The following MDGA2 variants were observed in gnomAD, a reference collection of about 807,000 sequenced individuals.
The protein encoded by MDGA2 is MAM domain-containing glycosylphosphatidylinositol anchor protein 2.
In MDGA2, 40 loss-of-function variants were observed where a neutral mutation model predicts 117.8. That is an observed-to-expected ratio of 0.34 (90% CI 0.26 to 0.44). MDGA2 has a LOEUF of 0.44. MDGA2 is among the 20% of genes least tolerant of loss of function. The pLI is 1.00. For synonymous variants in MDGA2, 452 were observed against 439.0 expected, an observed-to-expected ratio of 1.03 and a Z score of -0.37; for missense variants, 1,123 against 1,250.6, an observed-to-expected ratio of 0.90 and a Z score of 1.54.
At chr14:47,674,130 G>C (rs1445897299) in intron 1 of MDGA2, among the ~76,000 whole-genome samples, 1 of 149,124 alleles carries the variant, frequency 6.7e-6, no homozygotes, top group African/African-American at 2.5e-5. Context: ...GACTCACGGG[G>C]TCACACTGGA....
At chr14:47,606,829 G>A (rs971770173) in intron 1 of MDGA2, among the ~76,000 whole-genome samples, 1 of 152,092 alleles carries the variant, frequency 6.6e-6, no homozygotes, top group African/African-American at 2.4e-5. Flanking sequence ...AGAGAATTTT[G>A]TAAAATAATT....
rs145275986 is a variant in MDGA2 at position 47,608,455 on chromosome 14, G to C, written c.280+66062C>G. Among the ~76,000 whole-genome samples, 706 of 152,140 alleles carry C rather than the reference G, an allele frequency of 4.6e-3. 4 individuals are homozygous for C. The highest frequency in any genetic ancestry group is 0.016 in the African/African-American group (656 of 41,536). On this transcript the variant is annotated intron_variant, in intron 1 of 16. Coordinates refer to ENST00000399232, the MANE Select transcript of MDGA2 (RefSeq NM_001113498.3). ...AGAAAATTCTAAGTGAGGCTCGTAG[G>C]GAAGAACATTCAAACAAAGGGAATA...
chr14:47,111,733 A>T (rs1369136739), intron 5 of MDGA2, among the ~76,000 whole-genome samples: 1 of 152,208 alleles, frequency 6.6e-6, no homozygotes, highest in African/African-American at 2.4e-5. Flanking sequence ...GGAGAGCAAC[A>T]GTAGCAGTTG....
At chr14:47,214,019 G>A (rs148168913) in intron 3 of MDGA2, among the ~76,000 whole-genome samples, 15 of 152,012 alleles carry the variant, frequency 9.9e-5, no homozygotes, top group African/African-American at 2.2e-4. Context: ...CGAAGAGGGG[G>A]GTAAAGAGTC....
At chr14:47,549,248 T>C (rs1316686938) in intron 1 of MDGA2, among the ~76,000 whole-genome samples, 1 of 152,176 alleles carries the variant, frequency 6.6e-6, no homozygotes, top group East Asian at 1.9e-4. Context: ...TGAAATTCAA[T>C]GATTTTTCTC....
chr14:46,840,265 A>G lies in MDGA2; in HGVS notation c.*1666T>C, dbSNP rs533834530. 5.2e-5 allele frequency: 8 copies of G among 152,608 alleles called. No homozygotes were observed. Among genetic ancestry groups the G allele is most frequent in the Admixed American group, 5.2e-4 (8 of 15,270 alleles). The allele number at this position is 152,608 out of a possible 1,614,324, so 9.5% of individuals were successfully genotyped here. On this transcript the variant is annotated 3_prime_UTR_variant, in exon 17 of 17. Transcript: ENST00000399232. Reference sequence around the variant, plus strand: ...ATATTTGCAAATGCTATAATTTAATACTTATATTCCAATTGCTTGCATAAT... The same window carrying G: ...ATATTTGCAAATGCTATAATTTAATGCTTATATTCCAATTGCTTGCATAAT...
intron 10 of MDGA2, among the ~76,000 whole-genome samples, chr14:46,903,278 A>C (rs547972370): frequency 2.6e-5 from 4 of 152,178 alleles, no homozygotes; most frequent in Non-Finnish European, 4.4e-5. Flanking sequence ...CTGCAACACT[A>C]ATCTCCCTTT....
At chr14:46,956,229 T>A (rs1007686730) in intron 9 of MDGA2, among the ~76,000 whole-genome samples, 2 of 152,234 alleles carry the variant, frequency 1.3e-5, no homozygotes, top group African/African-American at 4.8e-5. Context: ...AATGTCCAGT[T>A]TCTTTTTTTT....
chr14:47,276,644 G>T (rs1274939660), intron 2 of MDGA2, among the ~76,000 whole-genome samples: 2 of 152,068 alleles, frequency 1.3e-5, no homozygotes, highest in African/African-American at 4.8e-5. Flanking sequence ...CACTAGCAAA[G>T]AAACAAATTG....
intron 1 of MDGA2, among the ~76,000 whole-genome samples, chr14:47,449,468 G>A (rs1180241197): frequency 6.6e-6 from 1 of 152,092 alleles, no homozygotes; most frequent in Non-Finnish European, 1.5e-5. Flanking sequence ...TGGCCACAGT[G>A]ACTGTTTTAT....
chr14:47,015,684 C>A (rs189342625), intron 8 of MDGA2, among the ~76,000 whole-genome samples: 1 of 151,994 alleles, frequency 6.6e-6, no homozygotes, highest in East Asian at 1.9e-4. Flanking sequence ...AAGAGAATAT[C>A]CAAAAATGAA....
At chr14:47,260,692 G>A (rs1007895672) in intron 2 of MDGA2, among the ~76,000 whole-genome samples, 1 of 152,044 alleles carries the variant, frequency 6.6e-6, no homozygotes, top group African/African-American at 2.4e-5. Flanking sequence ...CCTTCTTAGA[G>A]TTCTCTGAAC....
chr14:47,203,460 G>A (rs1885580145), intron 3 of MDGA2, among the ~76,000 whole-genome samples: 1 of 151,966 alleles, frequency 6.6e-6, no homozygotes, highest in Admixed American at 6.6e-5. Flanking sequence ...AAGAAACTAG[G>A]ATCAATGATT....
intron 8 of MDGA2, among the ~76,000 whole-genome samples, chr14:47,032,500 T>C (rs574626521): frequency 3.6e-4 from 55 of 152,132 alleles, no homozygotes; most frequent in African/African-American, 1.3e-3. Context: ...GGTGGAAGCA[T>C]TGGTTGAGCC....
chr14:47,518,898 T>TG (rs1384206754), intron 1 of MDGA2, among the ~76,000 whole-genome samples: 2 of 152,116 alleles, frequency 1.3e-5, no homozygotes, highest in Non-Finnish European at 2.9e-5. Context: ...CATATGCCCT[T>TG]GGTTGTTAAA....
chr14:47,213,429 A>G (rs1233586309), intron 3 of MDGA2, among the ~76,000 whole-genome samples: 1 of 152,110 alleles, frequency 6.6e-6, no homozygotes, highest in African/African-American at 2.4e-5. Flanking sequence ...TTGAAGATTT[A>G]TTTCATTGTG....
intron 14 of MDGA2, among the ~76,000 whole-genome samples, chr14:46,866,933 C>A (rs1382899967): frequency 1.3e-5 from 2 of 152,154 alleles, no homozygotes; most frequent in Non-Finnish European, 2.9e-5. Flanking sequence ...AACACTTTTA[C>A]ACTGTTGGTG....
intron 1 of MDGA2, among the ~76,000 whole-genome samples, chr14:47,626,155 A>C (rs1897134937): frequency 6.6e-6 from 1 of 152,174 alleles, no homozygotes; most frequent in East Asian, 1.9e-4. Flanking sequence ...CATTCTATCT[A>C]TCAACAATCT....
intron 3 of MDGA2, among the ~76,000 whole-genome samples, chr14:47,177,791 A>C (rs1594699059): frequency 6.6e-6 from 1 of 152,200 alleles, no homozygotes; most frequent in Admixed American, 6.6e-5. Flanking sequence ...CCTAAAACTT[A>C]AAGTATAATA....
Sources: allele counts gnomAD v4.1 joint callset (sites outside exome capture counted in the v4.1 genomes callset), GRCh38; gene constraint gnomAD v4.1.1; transcripts MANE v1.5; gene names NCBI Gene and HGNC (gene_info 2026-07-23, HGNC 2026-07-21).